TMEM143: variants seen among roughly 807,000 people sequenced by gnomAD.
TMEM143 encodes transmembrane protein 143.
Under a neutral mutation model 40.3 loss-of-function variants are expected in TMEM143, and 45 were observed. The observed-to-expected ratio is 1.12, with a 90% confidence interval of 0.88 to 1.43. TMEM143 has a LOEUF of 1.43. Ranked by LOEUF, TMEM143 falls within the 40% of genes most tolerant of loss-of-function variation. The pLI, the probability that TMEM143 is intolerant of heterozygous loss-of-function variation, is 0.00. For missense variants in TMEM143, 620 were observed against 613.4 expected, an observed-to-expected ratio of 1.01 and a Z score of -0.11; for synonymous variants, 299 against 282.7, an observed-to-expected ratio of 1.06 and a Z score of -0.58.
chr19:48,337,605 C>T (rs867196968), intron 6 of TMEM143, among the ~76,000 whole-genome samples: 1 of 151,802 alleles, frequency 6.6e-6, no homozygotes, highest in African/African-American at 2.4e-5. Context: ...GAAACACTTA[C>T]CAAACATCAG....
chr19:48,343,767 A>T (rs1969563982), intron 4 of TMEM143, among the ~76,000 whole-genome samples: 1 of 152,212 alleles, frequency 6.6e-6, no homozygotes, highest in Admixed American at 6.5e-5. Context: ...ATGTCACACC[A>T]CCACCTGTAA....
At chr19:48,362,366 C>T (rs1179018351) in intron 2 of TMEM143, among the ~76,000 whole-genome samples, 1 of 151,884 alleles carries the variant, frequency 6.6e-6, no homozygotes, top group Non-Finnish European at 1.5e-5. Context: ...ATGGCAATAC[C>T]CTGTCTCTAC....
chr19:48,352,250 A>AAAAAAAAAAAAAC (rs1569033837), intron 3 of TMEM143, among the ~76,000 whole-genome samples: 1 of 147,722 alleles, frequency 6.8e-6, no homozygotes, highest in Non-Finnish European at 1.5e-5. Context: ...CTGTCTCAAA[A>AAAAAAAAAAAAAC]AAAAAAAAAA....
intron 6 of TMEM143, among the ~76,000 whole-genome samples, chr19:48,334,695 C>A (rs972218194): frequency 5.3e-5 from 8 of 151,230 alleles, no homozygotes; most frequent in Non-Finnish European, 7.4e-5. Flanking sequence ...CGGGCTCAAG[C>A]GATCCTCCCG....
intron 6 of TMEM143, among the ~76,000 whole-genome samples, chr19:48,338,468 G>C (rs1204234347): frequency 2.6e-5 from 4 of 152,220 alleles, no homozygotes; most frequent in African/African-American, 4.8e-5. Context: ...TGCTGAAAAA[G>C]CCGGTTTACC....
rs759523925 is a variant in TMEM143, at chr19:48,363,296, T to A, written c.259A>T (p.Ile87Leu). The A allele has an allele frequency of 5.6e-6, 9 of 1,613,402 alleles. No individual in the cohort carries two copies. Among genetic ancestry groups the A allele is most frequent in the Non-Finnish European group, 7.6e-6 (9 of 1,179,774 alleles). ...FSKEQLLRLL[I>L]QEFHSSPAEK... Reference sequence around the variant, plus strand: ...GGGCCTGGGACAGGCGGTACCTGTATTAGGAGGCGGAGCAGCTGCTCCTTG... The same window carrying A: ...GGGCCTGGGACAGGCGGTACCTGTAATAGGAGGCGGAGCAGCTGCTCCTTG... The change falls in exon 2 of 8, where the codon ATA becomes TTA. Residue 87 changes from isoleucine (I) to leucine (L), a missense_variant. By Grantham distance (5) the Ile-to-Leu change is conservative (BLOSUM62 2). Transcript: ENST00000293261.
intron 3 of TMEM143, among the ~76,000 whole-genome samples, chr19:48,357,377 C>A (rs1176271114): frequency 1.9e-5 from 1 of 53,936 alleles, no homozygotes; most frequent in African/African-American, 7.4e-5. Context: ...TTTTCTGAGA[C>A]GGAGTCTCAC....
rs981722496 is a variant in TMEM143 at position 48,333,634 on chromosome 19, TCTGG to T, written c.1166-205_1166-202del. Among the ~76,000 whole-genome samples, 3 of 152,050 alleles carry T rather than the reference TCTGG, an allele frequency of 2.0e-5. No individual in the cohort carries two copies. Among genetic ancestry groups the T allele is most frequent in the African/African-American group, 7.2e-5 (3 of 41,408 alleles). On this transcript the variant is annotated intron_variant, in intron 7 of 7. Coordinates refer to ENST00000293261, the MANE Select transcript of TMEM143 (RefSeq NM_018273.4). This position sits in a 1 kb window ranked among gnomAD's most constrained non-coding sequence, Gnocchi z 4.1. The stretch of plus-strand genomic sequence containing the variant: ...AGAAGGCCCAGCTCTGGGGCTTTCG[TCTGG>T]GGACCAGTCAGGGGCTCTTGGGCAG...
chr19:48,337,906 T>G (rs1340948051), intron 6 of TMEM143, among the ~76,000 whole-genome samples: 1 of 152,128 alleles, frequency 6.6e-6, no homozygotes, highest in African/African-American at 2.4e-5. Flanking sequence ...CACATTGGGT[T>G]TGTGTCAGTA....
At chr19:48,353,063 A>AT (rs1416676733) in intron 3 of TMEM143, among the ~76,000 whole-genome samples, 1 of 152,060 alleles carries the variant, frequency 6.6e-6, no homozygotes, top group Non-Finnish European at 1.5e-5. Flanking sequence ...TACTGATGCA[A>AT]TTTTTTTCCC....
chr19:48,343,862 T>C (rs1969565599), intron 4 of TMEM143, among the ~76,000 whole-genome samples: 1 of 152,038 alleles, frequency 6.6e-6, no homozygotes. Flanking sequence ...TTTGGGGAGA[T>C]TTTAGTATTT....
chr19:48,352,790 T>C (rs1347917649), intron 3 of TMEM143, among the ~76,000 whole-genome samples: 2 of 151,580 alleles, frequency 1.3e-5, no homozygotes, highest in Non-Finnish European at 2.9e-5. Flanking sequence ...AAAATATATA[T>C]ATATTTTGTG....
At chr19:48,337,002 CAG>C (rs1256108681) in intron 6 of TMEM143, among the ~76,000 whole-genome samples, 3 of 146,390 alleles carry the variant, frequency 2.0e-5, no homozygotes, top group Admixed American at 6.9e-5. Flanking sequence ...GCCTGGGTGA[CAG>C]AGCAAGACTC....
At chr19:48,354,103 C>T (rs1291379684) in intron 3 of TMEM143, among the ~76,000 whole-genome samples, 6 of 151,392 alleles carry the variant, frequency 4.0e-5, no homozygotes, top group Non-Finnish European at 5.9e-5. Context: ...GGATCACAGG[C>T]ATGTGCCACC....
Position 48,345,152 on chromosome 19 carries a change from C to T in TMEM143, c.564+8G>A. 6.2e-7 allele frequency: 1 copy of T among 1,611,852 alleles called. No homozygotes were observed. Among genetic ancestry groups the T allele is most frequent in the Non-Finnish European group, 8.5e-7 (1 of 1,178,912 alleles). ...CTGGGAGTTTTGTTCTCCTAGGGAG[C>T]CAAGTACCTGGACCTCATCCTGAGG... On this transcript the variant is annotated splice_region_variant and intron_variant, in intron 4 of 7. Transcript: ENST00000293261.
chr19:48,360,173 A>C lies in TMEM143; in HGVS notation c.268T>G (p.Phe90Val). ...GCCTTCTCTGCCGGACTCGAGTGGAATTCCTGTTACCTCAGGAAGCAAAAC... is the reference window on the plus strand; with the variant it reads ...GCCTTCTCTGCCGGACTCGAGTGGACTTCCTGTTACCTCAGGAAGCAAAAC... ...EQLLRLLIQE[F>V]HSSPAEKAAL... Residue 90 changes from phenylalanine to valine, a missense_variant, in exon 3 of 8, where the codon TTC becomes GTC. Coordinates refer to ENST00000293261, the MANE Select transcript of TMEM143 (RefSeq NM_018273.4). 2 of 1,614,002 alleles carry C rather than the reference A, an allele frequency of 1.2e-6. No homozygotes were observed. The highest frequency in any genetic ancestry group is 1.7e-6 in the Non-Finnish European group (2 of 1,179,908).
chr19:48,351,702 G>C (rs1017482408), intron 3 of TMEM143, among the ~76,000 whole-genome samples: 1 of 152,014 alleles, frequency 6.6e-6, no homozygotes, highest in Non-Finnish European at 1.5e-5. Context: ...TTTGCACGTG[G>C]AGTTCCCTCA....
At chr19:48,352,549 C>T (rs1051356996) in intron 3 of TMEM143, among the ~76,000 whole-genome samples, 8 of 151,356 alleles carry the variant, frequency 5.3e-5, no homozygotes, top group East Asian at 2.0e-4. Flanking sequence ...CCGAGGCGGG[C>T]GGATCACTTG....
Position 48,333,493 on chromosome 19 carries a change from G to A in TMEM143, c.1166-60C>T. 8.2e-7 allele frequency: 1 copy of A among 1,222,334 alleles called. No homozygotes were observed. Among genetic ancestry groups the A allele is most frequent in the Non-Finnish European group, 1.2e-6 (1 of 858,210 alleles). 75.7% of individuals were successfully genotyped at this position (1,222,334 alleles called of 1,614,324 possible). On this transcript the variant is annotated intron_variant, in intron 7 of 7. Coordinates refer to ENST00000293261, the MANE Select transcript of TMEM143 (RefSeq NM_018273.4). This position sits in a 1 kb window ranked among gnomAD's most constrained non-coding sequence, Gnocchi z 4.1. Reference sequence around the variant, plus strand: ...CTGAGATCGGGGAAGATTCGAGGGAGCAGCAAGGAGGGGCGTAGGGCAAAG... The same window carrying A: ...CTGAGATCGGGGAAGATTCGAGGGAACAGCAAGGAGGGGCGTAGGGCAAAG...
Sources: allele counts gnomAD v4.1 joint callset (sites outside exome capture counted in the v4.1 genomes callset), GRCh38; gene constraint gnomAD v4.1.1; non-coding constraint Gnocchi (gnomAD v3.1); transcripts MANE v1.5; gene names NCBI Gene and HGNC (gene_info 2026-07-23, HGNC 2026-07-21).